Variants in MTMR7 observed in about 807,000 individuals in gnomAD.
MTMR7 encodes myotubularin related protein 7, also known as phosphatidylinositol-3-phosphate phosphatase MTMR7.
MTMR7 carries 76 observed loss-of-function variants against 81.2 expected under a neutral mutation model. The ratio of observed to expected loss-of-function variants is 0.94; its 90% confidence interval spans 0.78 to 1.13. The LOEUF (loss-of-function observed/expected upper bound fraction) is 1.13, where lower values mean the gene tolerates loss of function less well. Ranked by LOEUF, MTMR7 falls within the 50% of genes most tolerant of loss-of-function variation. The pLI is 0.00. For missense variants in MTMR7, 1,044 were observed against 820.0 expected, an observed-to-expected ratio of 1.27 and a Z score of -3.34; for synonymous variants, 372 against 289.8, an observed-to-expected ratio of 1.28 and a Z score of -2.88.
At chr8:17,347,510 G>A (rs901534604) in intron 5 of MTMR7, among the ~76,000 whole-genome samples, 2 of 152,204 alleles carry the variant, frequency 1.3e-5, no homozygotes, top group Non-Finnish European at 2.9e-5. Flanking sequence ...GGCTGTAGGT[G>A]CAGGCATGTG....
At chr8:17,380,543 T>C (rs1375980400) in intron 1 of MTMR7, among the ~76,000 whole-genome samples, 2 of 146,826 alleles carry the variant, frequency 1.4e-5, no homozygotes, top group African/African-American at 5.1e-5. Flanking sequence ...ACCACACACG[T>C]AAAATACACT....
chr8:17,320,745 C>A (rs533418204), intron 7 of MTMR7, among the ~76,000 whole-genome samples: 4 of 152,326 alleles, frequency 2.6e-5, no homozygotes, highest in Admixed American at 2.0e-4. Flanking sequence ...CAGACAGGCC[C>A]TCCAAGCATC....
chr8:17,373,464 G>A (rs769201254), intron 1 of MTMR7, among the ~76,000 whole-genome samples: 5 of 152,010 alleles, frequency 3.3e-5, no homozygotes, highest in Non-Finnish European at 7.4e-5. Flanking sequence ...GAGTTTAAAG[G>A]TACCACAAAA....
At chr8:17,349,978 A>G (rs550134009) in intron 4 of MTMR7, among the ~76,000 whole-genome samples, 1 of 152,326 alleles carries the variant, frequency 6.6e-6, no homozygotes, top group South Asian at 2.1e-4. Flanking sequence ...CATGGGGTTG[A>G]CAGATGGATC....
intron 5 of MTMR7, among the ~76,000 whole-genome samples, chr8:17,348,298 G>T (rs1285787958): frequency 6.6e-6 from 1 of 152,092 alleles, no homozygotes; most frequent in East Asian, 1.9e-4. Context: ...AGCACTTTGT[G>T]AGGCCGAGGC....
At chr8:17,348,699 T>C (rs1030964775) in intron 5 of MTMR7, among the ~76,000 whole-genome samples, 1 of 152,114 alleles carries the variant, frequency 6.6e-6, no homozygotes, top group Non-Finnish European at 1.5e-5. Context: ...ACTTGCATGA[T>C]TAGCTTTAGG....
Position 17,318,034 on chromosome 8 carries a change from G to A in MTMR7, c.866-4633C>T, listed in dbSNP as rs552387840. The stretch of plus-strand genomic sequence containing the variant: ...TTGGGTCTGTGCAAGGCAGAAGCTG[G>A]AACTGAGACTCCCTACATCAAACTG... On this transcript the variant is annotated intron_variant, in intron 7 of 13. Transcript: ENST00000180173. Among the ~76,000 whole-genome samples the A allele has an allele frequency of 1.5e-3, 226 of 152,064 alleles. 2 individuals are homozygous for A. The highest frequency in any genetic ancestry group is 3.4e-3 in the Middle Eastern group (1 of 294).
chr8:17,362,112 A>C (rs537237450), intron 3 of MTMR7, among the ~76,000 whole-genome samples: 1 of 152,200 alleles, frequency 6.6e-6, no homozygotes, highest in African/African-American at 2.4e-5. Flanking sequence ...AATGTGAGCT[A>C]TGTATGTCAT....
intron 6 of MTMR7, among the ~76,000 whole-genome samples, chr8:17,340,493 G>C (rs1021686059): frequency 7.9e-5 from 12 of 152,188 alleles, no homozygotes; most frequent in African/African-American, 2.9e-4. Context: ...GCACTTGTAG[G>C]TGACTTTGTG....
chr8:17,366,463 G>A (rs993153719), intron 3 of MTMR7, among the ~76,000 whole-genome samples: 1 of 152,060 alleles, frequency 6.6e-6, no homozygotes, highest in African/African-American at 2.4e-5. Flanking sequence ...TGGGAAGGGT[G>A]GGAAAGGGAA....
chr8:17,359,001 C>T (rs1018079928), intron 4 of MTMR7, among the ~76,000 whole-genome samples: 1 of 152,130 alleles, frequency 6.6e-6, no homozygotes, highest in Non-Finnish European at 1.5e-5. Context: ...TCAAGCAATC[C>T]TCCAGCCTCG....
intron 5 of MTMR7, chr8:17,346,058 C>T (rs901417205): frequency 2.0e-5 from 3 of 152,044 alleles, no homozygotes; most frequent in East Asian, 1.9e-4. Flanking sequence ...ATACGGCCAT[C>T]GATGAGCAAT....
chr8:17,349,210 C>A, intron 4 of MTMR7, 129 bp from the exon 5 acceptor site: 1 of 1,142,116 alleles, frequency 8.8e-7, no homozygotes, highest in South Asian at 1.6e-5. Context: ...ACAGAGGAGG[C>A]TATTTCGAGG....
chr8:17,397,418 G>A (rs116205928), intron 1 of MTMR7, among the ~76,000 whole-genome samples: 2,179 of 152,224 alleles, frequency 0.014, 39 homozygotes, highest in African/African-American at 0.04. Context: ...TTAAGCGAAC[G>A]TCGGTGGTGG....
chr8:17,406,505 G>A (rs1821586009), intron 1 of MTMR7, among the ~76,000 whole-genome samples: 1 of 152,164 alleles, frequency 6.6e-6, no homozygotes, highest in South Asian at 2.1e-4. Flanking sequence ...TGATGATATG[G>A]AAAAACTGGA....
At chr8:17,361,912 G>C (rs762047878) in intron 3 of MTMR7, among the ~76,000 whole-genome samples, 1 of 152,138 alleles carries the variant, frequency 6.6e-6, no homozygotes, top group African/African-American at 2.4e-5. Flanking sequence ...GCGAATTGAA[G>C]GCTGCATCAT....
chr8:17,314,693 G>A (rs1271679422), intron 7 of MTMR7, among the ~76,000 whole-genome samples: 1 of 152,158 alleles, frequency 6.6e-6, no homozygotes, highest in Non-Finnish European at 1.5e-5. Flanking sequence ...AAAATTCCCA[G>A]CAAAACACCC....
At chr8:17,308,254 ATTCT>A (rs1169307835) in intron 10 of MTMR7, among the ~76,000 whole-genome samples, 1 of 151,978 alleles carries the variant, frequency 6.6e-6, no homozygotes, top group Non-Finnish European at 1.5e-5. Flanking sequence ...TCATTTCCAT[ATTCT>A]TTCTGTCATC....
chr8:17,408,069 A>C (rs1384311626), intron 1 of MTMR7, among the ~76,000 whole-genome samples: 1 of 152,190 alleles, frequency 6.6e-6, no homozygotes, highest in East Asian at 1.9e-4. Flanking sequence ...GTATGAACCT[A>C]AAAAGTGGAA....
Sources: allele counts gnomAD v4.1 joint callset (sites outside exome capture counted in the v4.1 genomes callset), GRCh38; gene constraint gnomAD v4.1.1; transcripts MANE v1.5; gene names NCBI Gene and HGNC (gene_info 2026-07-23, HGNC 2026-07-21).